DENND6B: variants seen among roughly 807,000 people sequenced by gnomAD.
DENND6B encodes protein DENND6B.
In DENND6B, 73 loss-of-function variants were observed where a neutral mutation model predicts 85.1. The observed-to-expected ratio is 0.86, with a 90% CI of 0.71 to 1.04. DENND6B has a LOEUF of 1.04. DENND6B is among the 50% of genes least tolerant of loss of function. DENND6B has a pLI of 0.00. For synonymous variants in DENND6B, 357 were observed against 329.3 expected, an observed-to-expected ratio of 1.08 and a Z score of -0.91; for missense variants, 715 against 785.8, an observed-to-expected ratio of 0.91 and a Z score of 1.08.
chr22:50,316,497 T>TA, intron 5 of DENND6B, 22 bp from the exon 6 acceptor site: 1 of 1,557,184 alleles, frequency 6.4e-7, no homozygotes, highest in Non-Finnish European at 8.7e-7. Context: ...CGGGGCCAGT[T>TA]AGAGGCCCAG....
rs377719391 is a variant in DENND6B, at chr22:50,313,867, C to T, written c.1150G>A (p.Ala384Thr). ...TCGCGGTGGAGGTGGGCCGTGTAAG[C>T]GGTGTAGAGGCCTGGCGGGAGGGCA... ...TLDTKPGLYT[A>T]YTAHLHRDKA... is the part of the protein sequence containing the mutation. The change falls in exon 14 of 20, where the codon GCT (alanine) becomes ACT (threonine). Residue 384 changes from alanine (A) to threonine (T), a missense_variant. Physicochemically the swap from Ala to Thr is moderately conservative, Grantham distance 58. Coordinates refer to ENST00000413817, the MANE Select transcript of DENND6B (RefSeq NM_001001794.4). The T allele has an allele frequency of 5.3e-5, 85 of 1,610,676 alleles. No individual in the cohort carries two copies. Among genetic ancestry groups the T allele is most frequent in the East Asian group, 8.9e-5 (4 of 44,866 alleles).
intron 16 of DENND6B, 62 bp from the exon 17 acceptor site, chr22:50,313,170 G>A (rs940188312): frequency 3.0e-5 from 44 of 1,458,400 alleles, no homozygotes; most frequent in African/African-American, 2.8e-4. Context: ...CACCCGGTAC[G>A]CTTCCCAGAC....
At chr22:50,320,438 G>A (rs1039364628) in intron 1 of DENND6B, among the ~76,000 whole-genome samples, 1 of 152,236 alleles carries the variant, frequency 6.6e-6, no homozygotes, top group African/African-American at 2.4e-5. Flanking sequence ...CCATGGTCCT[G>A]CTTTGCCTCT....
Position 50,310,750 on chromosome 22 carries a change from C to T in DENND6B, c.*1389G>A, listed in dbSNP as rs527819921. ...ACGAGGTCAGGAGATCGAGACCATC[C>T]TGGCTAACATGGTGAAACCCTGTCT... On this transcript the variant is annotated 3_prime_UTR_variant, in exon 20 of 20. Transcript: ENST00000413817. 6.6e-6 allele frequency: 1 copy of T among 152,254 alleles called. No individual in the cohort carries two copies. The highest frequency in any genetic ancestry group is 1.9e-4 in the East Asian group (1 of 5,174). The allele number at this position is 152,254 out of a possible 1,614,324, so 9.4% of individuals were successfully genotyped here.
chr22:50,318,045 C>G (rs748396897), intron 3 of DENND6B, 25 bp from the exon 4 acceptor site: 4 of 1,608,648 alleles, frequency 2.5e-6, no homozygotes, highest in Non-Finnish European at 3.4e-6. Flanking sequence ...CCCCACCACA[C>G]GGGTCAAGGC....
intron 1 of DENND6B, among the ~76,000 whole-genome samples, chr22:50,326,316 C>T (rs1284140115): frequency 2.0e-5 from 3 of 152,204 alleles, no homozygotes; most frequent in East Asian, 1.9e-4. Context: ...GGGTTTTAAG[C>T]AGGAGAGCCA....
intron 1 of DENND6B, among the ~76,000 whole-genome samples, chr22:50,322,241 A>AT (rs1158324316): frequency 6.6e-6 from 1 of 151,870 alleles, no homozygotes; most frequent in African/African-American, 2.4e-5. Context: ...TGCCCAGCTA[A>AT]TTTTTTGTAT....
chr22:50,313,083 C>T lies in DENND6B; in HGVS notation c.1373G>A (p.Ser458Asn), dbSNP rs1240046029. The change falls in exon 17 of 20, where the codon AGC (serine) becomes AAC (asparagine). Residue 458 changes from serine (S) to asparagine (N), a missense_variant. Ser to Asn is a conservative substitution (Grantham distance 46). Transcript: ENST00000413817. ...WKTPPQIQPF[S>N]QDDFLRSLEH... ...CAGGCTACGCAGGAAGTCATCCTGG[C>T]TGAAGGGCTGGATCTGGGGGGGAGT... The T allele has an allele frequency of 1.3e-6, 2 of 1,557,406 alleles. No homozygotes were observed. The highest frequency in any genetic ancestry group is 3.9e-5 in the Admixed American group (2 of 51,778).
intron 1 of DENND6B, among the ~76,000 whole-genome samples, chr22:50,325,987 A>G (rs2042178397): frequency 6.6e-6 from 1 of 152,000 alleles, no homozygotes; most frequent in Non-Finnish European, 1.5e-5. Flanking sequence ...AGAGCTCACT[A>G]CCCCTCACGA....
chr22:50,317,471 A>G (rs1380132755), intron 4 of DENND6B, 98 bp from the exon 5 acceptor site: 2 of 1,371,116 alleles, frequency 1.5e-6, no homozygotes, highest in African/African-American at 1.4e-5. Context: ...ACTGCTGCAG[A>G]TGGAAGGCTG....
chr22:50,312,414 T>C lies in DENND6B; in HGVS notation c.1564A>G (p.Ile522Val), dbSNP rs1406517931. The C allele has an allele frequency of 1.2e-6, 2 of 1,610,762 alleles. No homozygotes were observed. The highest frequency in any genetic ancestry group is 1.7e-5 in the Admixed American group (1 of 59,754). Residue 522 changes from isoleucine to valine, a missense_variant, in exon 19 of 20, where the codon ATC (isoleucine) becomes GTC (valine). Coordinates refer to ENST00000413817, the MANE Select transcript of DENND6B (RefSeq NM_001001794.4). ...GACTTGTCTTTCATCCAGGTCTCGATGTTCTGCAGGGCAAGACGGGGTCTA... is the reference window on the plus strand; with the variant it reads ...GACTTGTCTTTCATCCAGGTCTCGACGTTCTGCAGGGCAAGACGGGGTCTA... ...LHLEAICEAN[I>V]ETWMKDKSEV...
intron 5 of DENND6B, 50 bp downstream of exon 5, chr22:50,317,243 C>T (rs773539523): frequency 6.2e-7 from 1 of 1,604,100 alleles, no homozygotes; most frequent in Non-Finnish European, 8.5e-7. Flanking sequence ...TGCTGCCTGC[C>T]AGCTCCTGCC....
At position 50,314,605 on chromosome 22, in the gene DENND6B, G is replaced by A. The variant is rs376050773; in HGVS notation, c.977C>T (p.Pro326Leu). ...FKEFTTRTQA[P>L]PNVVLGVTNP... ...GAGGCGGGGCAGAGGCGGCACTTAC[G>A]GGGCCTGCGTGCGTGTGGTGAACTC... The change falls in exon 11 of 20, where the codon CCA (proline) becomes CTA (leucine). Residue 326 changes from proline (P) to leucine (L), a missense_variant and splice_region_variant. Transcript: ENST00000413817. The A allele has an allele frequency of 2.0e-4, 311 of 1,560,678 alleles. 2 individuals are homozygous for A. Among genetic ancestry groups the A allele is most frequent in the South Asian group, 1.4e-3 (117 of 84,838 alleles).
intron 13 of DENND6B, 131 bp from the exon 14 acceptor site, chr22:50,314,009 C>T: frequency 7.5e-7 from 1 of 1,335,128 alleles, no homozygotes; most frequent in Non-Finnish European, 9.9e-7. Context: ...ACCTGAAAAT[C>T]TCACCCACCC....
Position 50,309,161 on chromosome 22 carries a change from CCT to C in DENND6B, c.*2976_*2977del, listed in dbSNP as rs1434373938. On this transcript the variant is annotated 3_prime_UTR_variant, in exon 20 of 20. Coordinates refer to ENST00000413817, the MANE Select transcript of DENND6B (RefSeq NM_001001794.4). ...GTCCTTCCTGTCCCTGAGCAGGCCC[CCT>C]GTGTGCACCCTCAGCCCCGAGCCCC... is the stretch of plus-strand genomic sequence containing the variant. 7.2e-5 allele frequency: 11 copies of C among 152,302 alleles called. No individual in the cohort carries two copies. Among genetic ancestry groups the C allele is most frequent in the South Asian group, 2.1e-4 (1 of 4,832 alleles). The allele number at this position is 152,302 out of a possible 1,614,324, so 9.4% of individuals were successfully genotyped here. A position where few individuals can be genotyped will look rare whatever the true frequency, so the allele number is the denominator to read the frequency against.
chr22:50,325,498 G>T (rs1240704934), intron 1 of DENND6B, among the ~76,000 whole-genome samples: 1 of 151,894 alleles, frequency 6.6e-6, no homozygotes, highest in Non-Finnish European at 1.5e-5. Context: ...CACCTCGCCC[G>T]GCTAATTTCT....
At chr22:50,314,175 T>A in intron 13 of DENND6B, 32 bp downstream of exon 13, 1 of 1,586,284 alleles carries the variant, frequency 6.3e-7, no homozygotes, top group South Asian at 1.1e-5. Context: ...CTCTCCACGG[T>A]GGAGGGGCTC....
chr22:50,326,902 C>A lies in DENND6B; in HGVS notation c.87G>T (p.Arg29=). The A allele has an allele frequency of 1.4e-6, 2 of 1,390,422 alleles. No homozygotes were observed. The highest frequency in any genetic ancestry group is 1.9e-6 in the Non-Finnish European group (2 of 1,072,186). The allele number at this position is 1,390,422 out of a possible 1,614,324, so 86.1% of individuals were successfully genotyped here. Residue 29 remains arginine (R), a synonymous_variant, in exon 1 of 20, where the codon CGG becomes CGT. Coordinates refer to ENST00000413817, the MANE Select transcript of DENND6B (RefSeq NM_001001794.4). ...AGCGCGCCCAGGGCGCCGCCGGGGT[C>A]CGCGCCGCGCGACCTGAAGACGTGG... ...AGPTSSGRAA[R]TPAAPWARFS... is the part of the protein sequence containing the mutation.
intron 5 of DENND6B, chr22:50,316,802 C>A: frequency 8.1e-7 from 1 of 1,237,482 alleles, no homozygotes; most frequent in South Asian, 1.4e-5. Context: ...GGCTTCCAGG[C>A]TGGGTTGCCC....
Sources: gnomAD v4.1 joint callset for allele counts (sites outside exome capture counted in the v4.1 genomes callset) on GRCh38, gnomAD v4.1.1 for gene constraint, MANE v1.5 for transcripts, NCBI Gene and HGNC (gene_info 2026-07-23, HGNC 2026-07-21) for gene names.